CGNL1: variants seen among roughly 807,000 people sequenced by gnomAD.
CGNL1 encodes the protein cingulin like 1, also known as cingulin-like protein 1.
CGNL1 carries 132 observed loss-of-function variants against 141.2 expected under a neutral mutation model. That is an observed-to-expected ratio of 0.93 (90% CI 0.81 to 1.08). The LOEUF is 1.08. Ranked by LOEUF, CGNL1 falls within the 50% of genes least tolerant of loss-of-function variation. The probability of loss-of-function intolerance (pLI) is 0.00; values close to 1 mark genes in which losing one functional copy is unlikely to be tolerated. For synonymous variants in CGNL1, 690 were observed against 622.1 expected (o/e 1.11, Z -1.63); for missense variants, 1,870 against 1,588.6 (o/e 1.18, Z -3.01).
chr15:57,386,657 G>A (rs139704842), intron 1 of CGNL1, among the ~76,000 whole-genome samples: 13 of 152,238 alleles, frequency 8.5e-5, no homozygotes, highest in Non-Finnish European at 7.3e-5. Flanking sequence ...ACTTCACCTC[G>A]TTGCACCTCA....
intron 1 of CGNL1, among the ~76,000 whole-genome samples, chr15:57,414,845 C>A (rs957853122): frequency 1.3e-5 from 2 of 152,210 alleles, no homozygotes; most frequent in Non-Finnish European, 2.9e-5. Flanking sequence ...GCCTGCTGAT[C>A]TGTTTGGCTC....
intron 7 of CGNL1, among the ~76,000 whole-genome samples, chr15:57,456,862 T>G (rs2063385219): frequency 6.6e-6 from 1 of 152,210 alleles, no homozygotes; most frequent in African/African-American, 2.4e-5. Flanking sequence ...ATCCCTGGCA[T>G]TTGCCAAGAT....
intron 1 of CGNL1, among the ~76,000 whole-genome samples, chr15:57,389,785 G>A (rs1050641968): frequency 1.3e-4 from 20 of 152,204 alleles, no homozygotes; most frequent in East Asian, 7.7e-4. Flanking sequence ...TAATATTGCC[G>A]TGTAACAAGC....
Position 57,454,587 on chromosome 15 carries a change from G to C in CGNL1, c.2190+769G>C, listed in dbSNP as rs560075278. Among the ~76,000 whole-genome samples, 3 of 152,286 alleles carry C rather than the reference G, an allele frequency of 2.0e-5. No individual in the cohort carries two copies. The South Asian group carries it at 6.2e-4, about 32-fold the overall frequency. On this transcript the variant is annotated intron_variant, in intron 7 of 18. Transcript: ENST00000281282. Reference sequence around the variant, plus strand: ...ACCTGGCAGGAGCTCAGAGATGAGTGACTCTGGTCACCCAGCCCAGGAGTT... The same window carrying C: ...ACCTGGCAGGAGCTCAGAGATGAGTCACTCTGGTCACCCAGCCCAGGAGTT...
chr15:57,542,497 T>G (rs1421884668), intron 14 of CGNL1, among the ~76,000 whole-genome samples: 2 of 152,204 alleles, frequency 1.3e-5, no homozygotes, highest in Non-Finnish European at 2.9e-5. Flanking sequence ...GGTCAGGCGA[T>G]GGGATTTCTT....
At chr15:57,506,373 G>T (rs1246944107) in intron 8 of CGNL1, among the ~76,000 whole-genome samples, 1 of 152,230 alleles carries the variant, frequency 6.6e-6, no homozygotes, top group Non-Finnish European at 1.5e-5. Context: ...GGCTCTCATG[G>T]TGAGGGAAGT....
chr15:57,476,402 T>C (rs539906017), intron 8 of CGNL1, among the ~76,000 whole-genome samples: 1 of 152,372 alleles, frequency 6.6e-6, no homozygotes, highest in South Asian at 2.1e-4. Context: ...TTCATTTTTA[T>C]GCCTTTTATA....
Position 57,381,017 on chromosome 15 carries a change from G to A in CGNL1, c.-16+4450G>A, listed in dbSNP as rs545796607. On this transcript the variant is annotated intron_variant, in intron 1 of 18. Coordinates refer to ENST00000281282, the MANE Select transcript of CGNL1 (RefSeq NM_032866.5). ...TAGCTCAGGCTTCCTTGGGCAGGCT[G>A]AAAACTGGACTTCACACTGTTTTTC... Among the ~76,000 whole-genome samples the A allele has an allele frequency of 3.3e-5, 5 of 152,338 alleles. No homozygotes were observed. In the South Asian group the frequency reaches 1.0e-3, roughly 32 times the overall value.
chr15:57,512,222 G>A (rs1242188470), intron 8 of CGNL1, among the ~76,000 whole-genome samples: 1 of 152,152 alleles, frequency 6.6e-6, no homozygotes, highest in Admixed American at 6.5e-5. Flanking sequence ...TTCTTCACTG[G>A]GAGGTCATGG....
chr15:57,421,241 C>T (rs147770762), intron 1 of CGNL1, among the ~76,000 whole-genome samples: 1 of 152,334 alleles, frequency 6.6e-6, no homozygotes, highest in East Asian at 1.9e-4. Context: ...GACTTCTTAC[C>T]TCAAGAACTG....
At chr15:57,418,879 T>C (rs1265153189) in intron 1 of CGNL1, among the ~76,000 whole-genome samples, 1 of 151,676 alleles carries the variant, frequency 6.6e-6, no homozygotes, top group Non-Finnish European at 1.5e-5. Flanking sequence ...GAGTTGGACA[T>C]GCAGCCCTGG....
At chr15:57,451,745 G>A (rs544990492) in intron 5 of CGNL1, 144 bp downstream of exon 5, 11 of 625,842 alleles carry the variant, frequency 1.8e-5, no homozygotes, top group Non-Finnish European at 3.0e-5. Context: ...ATAAATTCCT[G>A]TGTATTTGGC....
chr15:57,529,043 T>C (rs775730877), intron 13 of CGNL1: 38 of 438,106 alleles, frequency 8.7e-5, no homozygotes, highest in Non-Finnish European at 1.3e-4. Flanking sequence ...TAGTCTAACA[T>C]TCTCATTGTC....
chr15:57,457,664 G>T (rs2152328972), intron 7 of CGNL1, among the ~76,000 whole-genome samples: 1 of 152,298 alleles, frequency 6.6e-6, no homozygotes. Context: ...GCAAACAAGA[G>T]GCGTGAGAGC....
intron 3 of CGNL1, among the ~76,000 whole-genome samples, chr15:57,441,451 C>A (rs1301705129): frequency 1.3e-5 from 2 of 151,976 alleles, no homozygotes; most frequent in African/African-American, 4.8e-5. Context: ...TCACTGCAAC[C>A]CCCACCTCCC....
At chr15:57,413,394 A>G (rs1462771225) in intron 1 of CGNL1, among the ~76,000 whole-genome samples, 2 of 152,132 alleles carry the variant, frequency 1.3e-5, no homozygotes, top group Non-Finnish European at 2.9e-5. Flanking sequence ...CTCCGAGCTC[A>G]GCCTCCTGAG....
chr15:57,385,433 C>T (rs765346525), intron 1 of CGNL1, among the ~76,000 whole-genome samples: 3 of 152,200 alleles, frequency 2.0e-5, no homozygotes, highest in Non-Finnish European at 4.4e-5. Context: ...TTGGCTTGAA[C>T]CCAGGAGGCG....
chr15:57,455,977 G>A (rs537821723), intron 7 of CGNL1, among the ~76,000 whole-genome samples: 21 of 152,290 alleles, frequency 1.4e-4, no homozygotes, highest in African/African-American at 5.1e-4. Flanking sequence ...CTGCCTTTCT[G>A]CAAGATGAGT....
intron 7 of CGNL1, among the ~76,000 whole-genome samples, chr15:57,457,912 C>A (rs1595724771): frequency 6.6e-6 from 1 of 152,106 alleles, no homozygotes; most frequent in Non-Finnish European, 1.5e-5. Context: ...TGCTTCTCAG[C>A]CTTCTTGAGT....
Sources: gnomAD v4.1 joint callset for allele counts (sites outside exome capture counted in the v4.1 genomes callset) on GRCh38, gnomAD v4.1.1 for gene constraint, MANE v1.5 for transcripts, NCBI Gene and HGNC (gene_info 2026-07-23, HGNC 2026-07-21) for gene names.